Variants in CCDC85C observed in about 807,000 individuals in gnomAD.
CCDC85C encodes coiled-coil domain containing 85C, also known as coiled-coil domain-containing protein 85C.
CCDC85C carries 18 observed loss-of-function variants against 38.3 expected under a neutral mutation model. That is an observed-to-expected ratio of 0.47 (90% CI 0.33 to 0.70). CCDC85C has a LOEUF of 0.70. Ranked by LOEUF, CCDC85C falls within the 30% of genes least tolerant of loss-of-function variation. CCDC85C has a pLI of 0.03. For missense variants in CCDC85C, 566 were observed against 621.2 expected (o/e 0.91, Z 0.94); for synonymous variants, 264 against 293.8 (o/e 0.90, Z 1.04).
At position 99,580,517 on chromosome 14, in the gene CCDC85C, G is replaced by A. The variant is rs898966709; in HGVS notation, c.793+22650C>T. On this transcript the variant is annotated intron_variant, in intron 1 of 5. Coordinates refer to ENST00000380243, the MANE Select transcript of CCDC85C (RefSeq NM_001144995.2). ...GATGGGGGGAACTGGAGGCGGAGAAGACAGCCAGGGAAAGAGGGGAGGTAT... is the reference window on the plus strand; with the variant it reads ...GATGGGGGGAACTGGAGGCGGAGAAAACAGCCAGGGAAAGAGGGGAGGTAT... Among the ~76,000 whole-genome samples the A allele has an allele frequency of 5.3e-4, 81 of 151,540 alleles. No homozygotes were observed. The Middle Eastern group carries it at 0.01, about 19-fold the overall frequency.
Position 99,544,489 on chromosome 14 carries a change from G to GGTGTGT in CCDC85C, c.794-8407_794-8402dup, listed in dbSNP as rs111754976. 1.5e-3 allele frequency among the ~76,000 whole-genome samples: 221 copies of GGTGTGT among 147,994 alleles called. No individual in the cohort carries two copies. Among genetic ancestry groups the GGTGTGT allele is most frequent in the African/African-American group, 4.9e-3 (200 of 40,468 alleles). ...ATAAAAACAGGGCTAAAATTTGAAGGGTGTGTGTGTGTGTGTGTGTGTGTG... is the reference window on the plus strand; with the variant it reads ...ATAAAAACAGGGCTAAAATTTGAAGGGTGTGTGTGTGTGTGTGTGTGTGTGTGTGTG... On this transcript the variant is annotated intron_variant, in intron 1 of 5. Coordinates refer to ENST00000380243, the MANE Select transcript of CCDC85C (RefSeq NM_001144995.2). This position sits in a 1 kb window ranked among gnomAD's most constrained non-coding sequence, Gnocchi z 5.3.
At chr14:99,579,871 G>C (rs947378402) in intron 1 of CCDC85C, 1 of 322,246 alleles carries the variant, frequency 3.1e-6, no homozygotes, top group African/African-American at 2.2e-5. Context: ...GTTGTTGGTC[G>C]TTAGGCTGTC....
At chr14:99,574,761 A>G (rs1329780869) in intron 1 of CCDC85C, among the ~76,000 whole-genome samples, 4 of 152,204 alleles carry the variant, frequency 2.6e-5, no homozygotes, top group African/African-American at 9.6e-5. Flanking sequence ...TGGCCTGACC[A>G]CTCACAGCTA....
chr14:99,503,095 G>A lies in CCDC85C; in HGVS notation c.*12151C>T. The A allele has an allele frequency of 7.9e-7, 1 of 1,270,074 alleles. No individual in the cohort carries two copies. Among genetic ancestry groups the A allele is most frequent in the Non-Finnish European group, 1.1e-6 (1 of 871,912 alleles). 78.7% of individuals were successfully genotyped at this position (1,270,074 alleles called of 1,614,324 possible). On this transcript the variant is annotated 3_prime_UTR_variant, in exon 6 of 6. Coordinates refer to ENST00000380243, the MANE Select transcript of CCDC85C (RefSeq NM_001144995.2). ...ACAGGGAACACCGGAAGCAGGGGGT[G>A]TTCGCCGAAACTCGCAGTCCGACTG...
chr14:99,552,524 T>G (rs1897930955), intron 1 of CCDC85C, among the ~76,000 whole-genome samples: 1 of 151,966 alleles, frequency 6.6e-6, no homozygotes, highest in South Asian at 2.1e-4. Context: ...TGGGACGAGG[T>G]CAGACTCTCT....
chr14:99,549,666 T>C (rs115727883), intron 1 of CCDC85C, among the ~76,000 whole-genome samples: 1,650 of 152,100 alleles, frequency 0.011, 32 homozygotes, highest in African/African-American at 0.037. Flanking sequence ...CAGAGCGGAG[T>C]GGACCTGCCC....
At chr14:99,571,907 C>T (rs1040887817) in intron 1 of CCDC85C, among the ~76,000 whole-genome samples, 3 of 152,210 alleles carry the variant, frequency 2.0e-5, no homozygotes, top group African/African-American at 7.2e-5. Flanking sequence ...TGGCCTGGGA[C>T]ATCACACCTA....
At chr14:99,587,645 G>A (rs1055996492) in intron 1 of CCDC85C, among the ~76,000 whole-genome samples, 2 of 152,134 alleles carry the variant, frequency 1.3e-5, no homozygotes, top group Non-Finnish European at 2.9e-5. Flanking sequence ...AAAGGTCATG[G>A]GCCTGGCGTG....
chr14:99,510,982 C>G lies in CCDC85C; in HGVS notation c.*4264G>C. ...GGACAACCAGCTTTCAGAGTAGCCT[C>G]ATCAGTGCCCTTGCAGTCTGACTGT... On this transcript the variant is annotated 3_prime_UTR_variant, in exon 6 of 6. Transcript: ENST00000380243. 1 of 411,030 alleles carries G rather than the reference C, an allele frequency of 2.4e-6. No homozygotes were observed. Among genetic ancestry groups the G allele is most frequent in the Non-Finnish European group, 4.2e-6 (1 of 237,038 alleles). 25.5% of individuals were successfully genotyped at this position (411,030 alleles called of 1,614,324 possible). A position where few individuals can be genotyped will look rare whatever the true frequency, so the allele number is the denominator to read the frequency against.
At chr14:99,537,767 A>G (rs1897632257) in intron 1 of CCDC85C, among the ~76,000 whole-genome samples, 1 of 152,140 alleles carries the variant, frequency 6.6e-6, no homozygotes, top group East Asian at 1.9e-4. Context: ...CCCTGGCCTC[A>G]GTTTACTCAT....
intron 1 of CCDC85C, among the ~76,000 whole-genome samples, chr14:99,583,672 G>T (rs1045678211): frequency 1.3e-4 from 20 of 152,096 alleles, no homozygotes; most frequent in African/African-American, 4.6e-4. Flanking sequence ...GCCGGGCATG[G>T]TGACAGACGC....
At chr14:99,560,262 T>C (rs2139948208) in intron 1 of CCDC85C, among the ~76,000 whole-genome samples, 1 of 152,236 alleles carries the variant, frequency 6.6e-6, no homozygotes, top group East Asian at 1.9e-4. Flanking sequence ...GCACCAACGC[T>C]GCAGCCAGGG....
Position 99,603,804 on chromosome 14 carries a change from C to A in CCDC85C, c.156G>T (p.Leu52=). ...GCAGCCGCCGGTTCACGTCGCGCAT[C>A]AGGCCGCCGTGCTCCAGCATGAGGC... ...KVGLMLEHGG[L]MRDVNRRLQQ... is the part of the protein sequence containing the mutation. The change falls in exon 1 of 6, where the codon CTG becomes CTT. Residue 52 remains leucine (L), a synonymous_variant. Transcript: ENST00000380243. This position sits in a 1 kb window ranked among gnomAD's most constrained non-coding sequence, Gnocchi z 7.5. The A allele has an allele frequency of 6.6e-7, 1 of 1,525,094 alleles. No homozygotes were observed. The highest frequency in any genetic ancestry group is 8.8e-7 in the Non-Finnish European group (1 of 1,142,228). The allele number at this position is 1,525,094 out of a possible 1,614,324, so 94.5% of individuals were successfully genotyped here. A position where few individuals can be genotyped will look rare whatever the true frequency, so the allele number is the denominator to read the frequency against.
Position 99,516,435 on chromosome 14 carries a change from C to T in CCDC85C, c.1072-149G>A. On this transcript the variant is annotated intron_variant, in intron 4 of 5. Transcript: ENST00000380243. The surrounding 1 kb of genome is among the most constrained non-coding windows in gnomAD (Gnocchi z 5.5). The stretch of plus-strand genomic sequence containing the variant: ...CCCCTGGGGACAAGCGTGGAAAAAA[C>T]TGAGGGGCAGGTTGTCATCTCACCC... 1.6e-6 allele frequency: 1 copy of T among 624,926 alleles called. No individual in the cohort carries two copies. The allele number at this position is 624,926 out of a possible 1,614,324, so 38.7% of individuals were successfully genotyped here.
chr14:99,531,510 C>T (rs1337234681), intron 2 of CCDC85C, among the ~76,000 whole-genome samples: 1 of 143,970 alleles, frequency 6.9e-6, no homozygotes, highest in Non-Finnish European at 1.5e-5. Context: ...AACAGCAATA[C>T]AGTAATTGAG....
intron 2 of CCDC85C, chr14:99,523,095 T>A (rs1397373920): frequency 2.0e-5 from 3 of 152,138 alleles, no homozygotes; most frequent in Admixed American, 6.5e-5. Flanking sequence ...TCAAAGGAAC[T>A]GAGAGAAAGT....
intron 1 of CCDC85C, among the ~76,000 whole-genome samples, chr14:99,550,763 C>A (rs964105456): frequency 2.0e-5 from 3 of 152,228 alleles, no homozygotes; most frequent in African/African-American, 7.2e-5. Flanking sequence ...ACTGTCCGAC[C>A]TTGATGGAAA....
Position 99,500,804 on chromosome 14 carries a change from C to T in CCDC85C, c.*14442G>A. ...TTCTGGAGAGAATCTTACTGCAGAC[C>T]ATCAAGTTTGATTTACAGGTAGAAC... is the stretch of plus-strand genomic sequence containing the variant. On this transcript the variant is annotated 3_prime_UTR_variant, in exon 6 of 6. Transcript: ENST00000380243. The T allele has an allele frequency of 6.4e-7, 1 of 1,567,368 alleles. No homozygotes were observed. Among genetic ancestry groups the T allele is most frequent in the Non-Finnish European group, 8.7e-7 (1 of 1,154,264 alleles).
Position 99,603,810 on chromosome 14 carries a change from G to C in CCDC85C, c.150C>G (p.Gly50=). 1 of 1,524,902 alleles carries C rather than the reference G, an allele frequency of 6.6e-7. No individual in the cohort carries two copies. Among genetic ancestry groups the C allele is most frequent in the Non-Finnish European group, 8.8e-7 (1 of 1,142,196 alleles). 94.5% of individuals were successfully genotyped at this position (1,524,902 alleles called of 1,614,324 possible). Residue 50 remains glycine, a synonymous_variant, in exon 1 of 6, where the codon GGC becomes GGG. Coordinates refer to ENST00000380243, the MANE Select transcript of CCDC85C (RefSeq NM_001144995.2). The surrounding 1 kb of genome is among the most constrained non-coding windows in gnomAD (Gnocchi z 7.5). ...GEKVGLMLEH[G]GLMRDVNRRL... ...GCCGGTTCACGTCGCGCATCAGGCC[G>C]CCGTGCTCCAGCATGAGGCCCACCT...
Sources: gnomAD v4.1 joint callset for allele counts (sites outside exome capture counted in the v4.1 genomes callset) on GRCh38, gnomAD v4.1.1 for gene constraint, Gnocchi (gnomAD v3.1) non-coding constraint, MANE v1.5 for transcripts, NCBI Gene and HGNC (gene_info 2026-07-23, HGNC 2026-07-21) for gene names.